The following TBCK variants were observed in gnomAD, a reference collection of about 807,000 sequenced individuals.
TBCK encodes TBC domain-containing protein kinase-like protein.
Under a neutral mutation model 113.4 loss-of-function variants are expected in TBCK, and 99 were observed. The observed-to-expected ratio is 0.87, with a 90% confidence interval of 0.74 to 1.03. The LOEUF is 1.03. Among genes scored for constraint, TBCK ranks in the 50% least tolerant of loss-of-function variants. The pLI is 0.00. For synonymous variants in TBCK, 369 were observed against 370.8 expected (o/e 1.00, Z 0.05); for missense variants, 1,045 against 1,061.3 (o/e 0.98, Z 0.21).
rs776101351 is a variant in TBCK at position 106,194,798 on chromosome 4, TA to T, written c.1861-45del. On this transcript the variant is annotated intron_variant, in intron 20 of 25. Coordinates refer to ENST00000394708, the MANE Select transcript of TBCK (RefSeq NM_001163435.3). Reference sequence around the variant, plus strand: ...GTACAGGGAATGGATAAAAAGGAAATAAAAAAGATAATTAGAATGATTACCA... The same window carrying T: ...GTACAGGGAATGGATAAAAAGGAAATAAAAAGATAATTAGAATGATTACCA... The T allele has an allele frequency of 6.1e-6, 9 of 1,478,434 alleles. No individual in the cohort carries two copies. In the African/African-American group the frequency reaches 1.3e-4, roughly 22 times the overall value. The allele number at this position is 1,478,434 out of a possible 1,614,324, so 91.6% of individuals were successfully genotyped here. A position where few individuals can be genotyped will look rare whatever the true frequency, so the allele number is the denominator to read the frequency against.
chr4:106,102,104 G>C (rs1741625923), intron 24 of TBCK, among the ~76,000 whole-genome samples: 1 of 152,140 alleles, frequency 6.6e-6, no homozygotes, highest in African/African-American at 2.4e-5. Flanking sequence ...AAAAACTGTT[G>C]TTTTGCCTCT....
chr4:106,316,552 T>C (rs760216406), upstream of TBCK: 30 of 1,551,518 alleles, frequency 1.9e-5, no homozygotes, highest in Admixed American at 7.8e-5. Flanking sequence ...ACCTACATGC[T>C]TCCTGCTGTG....
At chr4:106,078,887 C>G (rs1738536067) in intron 25 of TBCK, among the ~76,000 whole-genome samples, 1 of 152,016 alleles carries the variant, frequency 6.6e-6, no homozygotes, top group African/African-American at 2.4e-5. Flanking sequence ...AAATCTTCAA[C>G]AAAATACATG....
At chr4:106,294,850 C>G (rs1269238180) in intron 3 of TBCK, among the ~76,000 whole-genome samples, 8 of 152,082 alleles carry the variant, frequency 5.3e-5, no homozygotes, top group African/African-American at 1.9e-4. Flanking sequence ...TCATATATCC[C>G]CTTTTGAAGA....
chr4:106,289,771 A>G (rs1209490501), intron 3 of TBCK, among the ~76,000 whole-genome samples: 1 of 150,848 alleles, frequency 6.6e-6, no homozygotes, highest in Non-Finnish European at 1.5e-5. Flanking sequence ...CTGTCTCAAA[A>G]AAAAAAAAGA....
At chr4:106,152,397 C>A (rs1169412389) in intron 23 of TBCK, among the ~76,000 whole-genome samples, 1 of 151,916 alleles carries the variant, frequency 6.6e-6, no homozygotes, top group Non-Finnish European at 1.5e-5. Flanking sequence ...AATTGATTTG[C>A]ATATATTGAA....
intron 12 of TBCK, among the ~76,000 whole-genome samples, 176 bp from the exon 13 acceptor site, chr4:106,236,984 C>G (rs1759546926): frequency 6.6e-6 from 1 of 151,856 alleles, no homozygotes; most frequent in South Asian, 2.1e-4. Flanking sequence ...AATGCCTCTA[C>G]TGATTACGGT....
chr4:106,062,216 T>C (rs1736135018), intron 25 of TBCK, among the ~76,000 whole-genome samples: 1 of 151,910 alleles, frequency 6.6e-6, no homozygotes, highest in African/African-American at 2.4e-5. Context: ...CAGAAATGGC[T>C]ATGTGGAAAT....
chr4:106,127,953 A>G (rs1255997563), intron 23 of TBCK, among the ~76,000 whole-genome samples: 1 of 151,574 alleles, frequency 6.6e-6, no homozygotes, highest in African/African-American at 2.4e-5. Context: ...ATAGCACTAC[A>G]CACACACACA....
intron 23 of TBCK, 121 bp downstream of exon 23, chr4:106,170,974 G>T: frequency 1.4e-6 from 1 of 690,916 alleles, no homozygotes; most frequent in Non-Finnish European, 2.2e-6. Flanking sequence ...TCATGTGTTA[G>T]AAAATATCTA....
intron 3 of TBCK, among the ~76,000 whole-genome samples, chr4:106,272,874 C>T (rs1216361533): frequency 2.0e-5 from 3 of 152,178 alleles, no homozygotes; most frequent in Non-Finnish European, 4.4e-5. Flanking sequence ...AAACCAATCG[C>T]GTGGGTAAGT....
intron 25 of TBCK, among the ~76,000 whole-genome samples, chr4:106,068,187 A>G (rs1736890792): frequency 6.6e-6 from 1 of 152,104 alleles, no homozygotes; most frequent in Non-Finnish European, 1.5e-5. Flanking sequence ...GTTCTAGGGT[A>G]CATGTGCACA....
intron 22 of TBCK, among the ~76,000 whole-genome samples, chr4:106,185,938 T>C (rs1038229807): frequency 1.3e-5 from 2 of 152,126 alleles, no homozygotes; most frequent in African/African-American, 4.8e-5. Context: ...TGTGTCCATG[T>C]GCACTCAATG....
intron 4 of TBCK, among the ~76,000 whole-genome samples, chr4:106,260,923 T>C (rs1462363078): frequency 1.3e-5 from 2 of 152,042 alleles, no homozygotes; most frequent in Non-Finnish European, 2.9e-5. Flanking sequence ...TTTATAGTTA[T>C]AATTTAACTG....
chr4:106,197,526 A>G (rs1754406185), intron 20 of TBCK, among the ~76,000 whole-genome samples: 1 of 151,584 alleles, frequency 6.6e-6, no homozygotes, highest in African/African-American at 2.4e-5. Context: ...TTCACTAACC[A>G]GAATGAAAAC....
chr4:106,243,045 T>A (rs568646441), intron 11 of TBCK, among the ~76,000 whole-genome samples: 1 of 152,180 alleles, frequency 6.6e-6, no homozygotes, highest in South Asian at 2.1e-4. Context: ...CATGAACTCA[T>A]CATTTTTTAT....
intron 3 of TBCK, among the ~76,000 whole-genome samples, chr4:106,283,743 C>A (rs940585404): frequency 3.3e-5 from 5 of 151,610 alleles, no homozygotes; most frequent in Non-Finnish European, 4.4e-5. Context: ...TAATAAGATG[C>A]CTTTTCCTCT....
At chr4:106,256,072 G>A (rs942731848) in intron 5 of TBCK, among the ~76,000 whole-genome samples, 1 of 152,178 alleles carries the variant, frequency 6.6e-6, no homozygotes, top group African/African-American at 2.4e-5. Context: ...AAGTCTGGCT[G>A]AGTCCAGGGT....
rs533230046 is a variant in TBCK at position 106,180,650 on chromosome 4, G to C, written c.2060-9380C>G. Among the ~76,000 whole-genome samples, 22 of 152,082 alleles carry C rather than the reference G, an allele frequency of 1.4e-4. No homozygotes were observed. In the South Asian group the frequency reaches 4.4e-3, roughly 30 times the overall value. On this transcript the variant is annotated intron_variant, in intron 22 of 25. Transcript: ENST00000394708. The stretch of plus-strand genomic sequence containing the variant: ...CATGCAGTATTTGGTTTTCTATCTT[G>C]TGATAATTCGCTGAGAATGATGGTT...
Sources: allele counts gnomAD v4.1 joint callset (sites outside exome capture counted in the v4.1 genomes callset), GRCh38; gene constraint gnomAD v4.1.1; transcripts MANE v1.5; gene names NCBI Gene and HGNC (gene_info 2026-07-23, HGNC 2026-07-21).